TMC1: variants seen among roughly 807,000 people sequenced by gnomAD.
The protein encoded by TMC1 is transmembrane channel like 1.
A neutral mutation model predicts 105.8 loss-of-function variants in TMC1; 84 were observed. That is an observed-to-expected ratio of 0.79 (90% CI 0.67 to 0.95). The LOEUF (loss-of-function observed/expected upper bound fraction) is 0.95, where lower values mean the gene tolerates loss of function less well. TMC1 is among the 40% of genes least tolerant of loss of function. TMC1 has a pLI of 0.00. For synonymous variants in TMC1, 315 were observed against 311.5 expected, an observed-to-expected ratio of 1.01 and a Z score of -0.12; for missense variants, 817 against 914.1, an observed-to-expected ratio of 0.89 and a Z score of 1.37.
intron 4 of TMC1, 80 bp downstream of exon 4, chr9:72,628,143 C>T (rs527545179): frequency 8.8e-5 from 40 of 453,818 alleles, no homozygotes; most frequent in African/African-American, 6.4e-4. Context: ...TGTTTAATCA[C>T]GCAGGATTGT....
intron 12 of TMC1, among the ~76,000 whole-genome samples, chr9:72,763,735 A>C (rs1353693283): frequency 6.6e-6 from 1 of 152,156 alleles, no homozygotes; most frequent in Non-Finnish European, 1.5e-5. Flanking sequence ...GGAGAGACAG[A>C]AGGGAACCAA....
chr9:72,524,028 T>TC (rs1823360926), intron 1 of TMC1, among the ~76,000 whole-genome samples: 1 of 152,210 alleles, frequency 6.6e-6, no homozygotes, highest in African/African-American at 2.4e-5. Flanking sequence ...GTTATCATCA[T>TC]CCATTTTCAC....
chr9:72,612,585 T>C (rs761653714), intron 2 of TMC1, among the ~76,000 whole-genome samples: 14 of 152,086 alleles, frequency 9.2e-5, no homozygotes, highest in Non-Finnish European at 1.8e-4. Context: ...AAAACAGCCA[T>C]AGATGTTAAG....
Position 72,688,767 on chromosome 9 carries a change from A to G in TMC1, c.64+11A>G. ...CTGAGGAAAGCTCAAGTAAGTGGTG[A>G]TGGGCCACTTGGGATACATTTCCTA... On this transcript the variant is annotated intron_variant, in intron 6 of 23. Coordinates refer to ENST00000297784, the MANE Select transcript of TMC1 (RefSeq NM_138691.3). The G allele has an allele frequency of 3.1e-6, 5 of 1,605,840 alleles. No individual in the cohort carries two copies. The highest frequency in any genetic ancestry group is 4.3e-6 in the Non-Finnish European group (5 of 1,173,476).
chr9:72,628,166 T>G (rs1436195515), intron 4 of TMC1, 103 bp downstream of exon 4: 1 of 434,766 alleles, frequency 2.3e-6, no homozygotes, highest in African/African-American at 2.0e-5. Flanking sequence ...GGAATGGGAT[T>G]GTACAGAATG....
intron 2 of TMC1, chr9:72,607,951 C>G (rs1319818810): frequency 6.6e-6 from 1 of 152,136 alleles, no homozygotes; most frequent in Non-Finnish European, 1.5e-5. Context: ...TAACATAAGA[C>G]TACATGATTT....
intron 7 of TMC1, 46 bp downstream of exon 7, chr9:72,694,760 G>T: frequency 6.4e-7 from 1 of 1,560,696 alleles, no homozygotes; most frequent in Non-Finnish European, 8.7e-7. Context: ...TGCTGAAGAA[G>T]ATCACTCCTT....
chr9:72,539,115 T>G (rs1007254959), intron 1 of TMC1, among the ~76,000 whole-genome samples: 1 of 151,862 alleles, frequency 6.6e-6, no homozygotes, highest in Admixed American at 6.6e-5. Context: ...GCATGGTGAC[T>G]CATGCCTGTG....
At chr9:72,542,521 G>A (rs980381101) in intron 1 of TMC1, among the ~76,000 whole-genome samples, 1 of 152,010 alleles carries the variant, frequency 6.6e-6, no homozygotes, top group African/African-American at 2.4e-5. Context: ...TCCTGAGCCT[G>A]AGGTGGGAGA....
intron 1 of TMC1, among the ~76,000 whole-genome samples, chr9:72,566,026 C>G (rs1824146537): frequency 1.3e-5 from 2 of 152,094 alleles, no homozygotes; most frequent in Admixed American, 1.3e-4. Flanking sequence ...GATGGACCAT[C>G]TATAAAATAA....
chr9:72,797,158 A>G (rs1459616543), intron 17 of TMC1, among the ~76,000 whole-genome samples: 1 of 152,134 alleles, frequency 6.6e-6, no homozygotes, highest in East Asian at 1.9e-4. Flanking sequence ...TGCAGCTAAC[A>G]AGGGAAGTGA....
intron 2 of TMC1, among the ~76,000 whole-genome samples, chr9:72,584,649 C>G (rs1230517359): frequency 4.6e-5 from 7 of 151,976 alleles, no homozygotes; most frequent in African/African-American, 1.7e-4. Flanking sequence ...TAACTTTGCT[C>G]CTAGAGAAAG....
intron 7 of TMC1, among the ~76,000 whole-genome samples, chr9:72,699,474 A>T (rs1826606287): frequency 6.6e-6 from 1 of 152,148 alleles, no homozygotes; most frequent in Admixed American, 6.6e-5. Flanking sequence ...GGCTAACAAA[A>T]TTTTTAAGGG....
intron 5 of TMC1, among the ~76,000 whole-genome samples, chr9:72,653,514 A>G (rs577152557): frequency 6.6e-6 from 1 of 152,352 alleles, no homozygotes; most frequent in Admixed American, 6.5e-5. Flanking sequence ...ACATCTAACA[A>G]TGTAGATGAA....
intron 6 of TMC1, among the ~76,000 whole-genome samples, chr9:72,693,171 C>T (rs1044616026): frequency 6.6e-6 from 1 of 150,410 alleles, no homozygotes; most frequent in Non-Finnish European, 1.5e-5. Context: ...TGCTACCTGA[C>T]ATTTAGTAAT....
intron 2 of TMC1, among the ~76,000 whole-genome samples, chr9:72,612,916 A>G (rs1825056761): frequency 6.6e-6 from 1 of 152,154 alleles, no homozygotes; most frequent in East Asian, 1.9e-4. Context: ...CAAAATATCA[A>G]TAGTGCTGAG....
chr9:72,710,651 A>T (rs1022459131), intron 8 of TMC1, among the ~76,000 whole-genome samples: 1 of 152,140 alleles, frequency 6.6e-6, no homozygotes, highest in African/African-American at 2.4e-5. Context: ...GTCTGATATA[A>T]GAATAGCTAC....
intron 2 of TMC1, among the ~76,000 whole-genome samples, chr9:72,595,885 T>G (rs1824711246): frequency 6.7e-6 from 1 of 150,018 alleles, no homozygotes; most frequent in African/African-American, 2.5e-5. Context: ...TTTTTTTTTT[T>G]TTTCTTTTTG....
At chr9:72,767,969 A>C (rs2118111312) in intron 12 of TMC1, among the ~76,000 whole-genome samples, 1 of 152,326 alleles carries the variant, frequency 6.6e-6, no homozygotes, top group Non-Finnish European at 1.5e-5. Flanking sequence ...AAGCCCTTCA[A>C]GTTGTATTTA....
Sources: gnomAD v4.1 joint callset for allele counts (sites outside exome capture counted in the v4.1 genomes callset) on GRCh38, gnomAD v4.1.1 for gene constraint, MANE v1.5 for transcripts, NCBI Gene and HGNC (gene_info 2026-07-23, HGNC 2026-07-21) for gene names.